The following ATP2B2 variants were observed in gnomAD, a reference collection of about 807,000 sequenced individuals.
ATP2B2 encodes the protein plasma membrane calcium-transporting ATPase 2.
A neutral mutation model predicts 120.0 loss-of-function variants in ATP2B2; 15 were observed. The observed-to-expected ratio is 0.12, with a 90% CI of 0.08 to 0.19. The LOEUF is 0.19. Among genes scored for constraint, ATP2B2 ranks in the 10% least tolerant of loss-of-function variants. ATP2B2 has a pLI of 1.00. For synonymous variants in ATP2B2, 694 were observed against 700.3 expected, an observed-to-expected ratio of 0.99 and a Z score of 0.14; for missense variants, 1,045 against 1,719.8, an observed-to-expected ratio of 0.61 and a Z score of 6.94.
chr3:10,648,907 G>A (rs777802842), intron 1 of ATP2B2, among the ~76,000 whole-genome samples: 90 of 152,126 alleles, frequency 5.9e-4, no homozygotes, highest in Middle Eastern at 3.2e-3. Flanking sequence ...GAGTCTTCTT[G>A]CATCCTCTCA....
chr3:10,503,629 A>G (rs988157675), intron 1 of ATP2B2, among the ~76,000 whole-genome samples: 12 of 152,244 alleles, frequency 7.9e-5, no homozygotes, highest in African/African-American at 2.9e-4. Context: ...GAGGTGCTGC[A>G]TCTGTGTGCC....
At chr3:10,632,310 A>G (rs1005197451) in intron 1 of ATP2B2, among the ~76,000 whole-genome samples, 3 of 152,186 alleles carry the variant, frequency 2.0e-5, no homozygotes, top group Non-Finnish European at 4.4e-5. Context: ...CGCAGTCTCC[A>G]CCACTCCCAG....
At chr3:10,577,068 A>G (rs1346749173) in intron 2 of ATP2B2, among the ~76,000 whole-genome samples, 1 of 151,302 alleles carries the variant, frequency 6.6e-6, no homozygotes, top group Non-Finnish European at 1.5e-5. Flanking sequence ...AAAAAAAAAA[A>G]AAAAAGAAGC....
chr3:10,485,520 C>T (rs2065610226), intron 1 of ATP2B2, among the ~76,000 whole-genome samples: 1 of 152,250 alleles, frequency 6.6e-6, no homozygotes, highest in Non-Finnish European at 1.5e-5. Context: ...CTCTCCTGCG[C>T]CCGCTCCCTC....
chr3:10,342,604 G>T lies in ATP2B2; in HGVS notation c.2917+148C>A. 1.1e-6 allele frequency: 1 copy of T among 912,500 alleles called. No individual in the cohort carries two copies. 56.5% of individuals were successfully genotyped at this position (912,500 alleles called of 1,614,324 possible). On this transcript the variant is annotated intron_variant, in intron 19 of 22. Transcript: ENST00000360273. The surrounding 1 kb of genome is among the most constrained non-coding windows in gnomAD (Gnocchi z 4.4). ...GTTCAAGACTTGCTGGTGTGACCTT[G>T]GGCAACTTACTTGACCTCCCTGGGC...
intron 1 of ATP2B2, chr3:10,626,234 C>T (rs1340627582): frequency 9.9e-5 from 15 of 152,170 alleles, no homozygotes; most frequent in Admixed American, 9.2e-4. Flanking sequence ...ACACACACCT[C>T]GTTATAAAAG....
intron 2 of ATP2B2, among the ~76,000 whole-genome samples, chr3:10,619,619 G>C (rs900820500): frequency 6.6e-6 from 1 of 152,226 alleles, no homozygotes; most frequent in Non-Finnish European, 1.5e-5. Flanking sequence ...CGAGGACAGG[G>C]GAGGCGGTCA....
intron 2 of ATP2B2, among the ~76,000 whole-genome samples, chr3:10,540,433 A>G (rs2125493998): frequency 6.6e-6 from 1 of 152,340 alleles, no homozygotes; most frequent in African/African-American, 2.4e-5. Flanking sequence ...TGTTTACTGC[A>G]GCAGTATTCA....
At chr3:10,394,256 A>T (rs9817205) in intron 5 of ATP2B2, among the ~76,000 whole-genome samples, 74,635 of 151,846 alleles carry the variant, frequency 0.49, 20,597 homozygotes, top group East Asian at 0.98. Flanking sequence ...ACAAAGCCAA[A>T]ACGATTCCCA....
chr3:10,417,820 A>G (rs1221025047), intron 2 of ATP2B2, among the ~76,000 whole-genome samples: 3 of 152,184 alleles, frequency 2.0e-5, no homozygotes, highest in African/African-American at 7.2e-5. Context: ...GGTGGGGAGA[A>G]GGGCTGTGAA....
At chr3:10,638,163 A>G (rs1226491656) in intron 1 of ATP2B2, among the ~76,000 whole-genome samples, 3 of 152,198 alleles carry the variant, frequency 2.0e-5, no homozygotes, top group Non-Finnish European at 4.4e-5. Flanking sequence ...ACAAAAGGAA[A>G]ATAACAGATG....
Position 10,350,431 on chromosome 3 carries a change from C to A in ATP2B2, c.2283G>T (p.Glu761Asp). 1 of 1,614,260 alleles carries A rather than the reference C, an allele frequency of 6.2e-7. No individual in the cohort carries two copies. The highest frequency in any genetic ancestry group is 8.5e-7 in the Non-Finnish European group (1 of 1,180,040). ...GEDFLCLEGKEFNRRIRNEKG... is the reference protein window; with the variant it reads ...GEDFLCLEGKDFNRRIRNEKG... ...TCTCGTTGCGGATCCTCCTGTTGAA[C>A]TCCTTGCCCTCGAGGCACAGAAAGT... is the stretch of plus-strand genomic sequence containing the variant. Residue 761 changes from glutamate to aspartate, a missense_variant, in exon 15 of 23, where the codon GAG becomes GAT. Around this residue, in one of 11 missense-constraint regions of ATP2B2, gnomAD observed 343 missense variants for 536.8 expected, o/e 0.64. Transcript: ENST00000360273.
intron 1 of ATP2B2, among the ~76,000 whole-genome samples, chr3:10,671,575 A>T (rs777606332): frequency 2.0e-5 from 3 of 152,098 alleles, no homozygotes; most frequent in African/African-American, 7.2e-5. Context: ...AATTTATGGA[A>T]AGTCCCCAGG....
intron 2 of ATP2B2, among the ~76,000 whole-genome samples, chr3:10,583,616 A>G (rs1188482397): frequency 1.3e-5 from 2 of 152,142 alleles, no homozygotes; most frequent in Middle Eastern, 3.2e-3. Flanking sequence ...TTTTAAATAT[A>G]CTTCATGAAC....
intron 22 of ATP2B2, chr3:10,336,307 C>G: frequency 1.3e-6 from 2 of 1,550,132 alleles, no homozygotes; most frequent in Non-Finnish European, 1.7e-6. Flanking sequence ...CAATCTGCAA[C>G]GGAGGAGAGA....
intron 1 of ATP2B2, among the ~76,000 whole-genome samples, chr3:10,669,704 C>T (rs79502352): frequency 1.3e-3 from 203 of 152,316 alleles, no homozygotes; most frequent in African/African-American, 4.8e-3. Flanking sequence ...GAGACCCTGG[C>T]CATGGTTTGC....
intron 1 of ATP2B2, among the ~76,000 whole-genome samples, chr3:10,676,524 C>CCACACACACACACACACA (rs150121114): frequency 6.7e-6 from 1 of 149,218 alleles, no homozygotes; most frequent in Admixed American, 6.7e-5. Flanking sequence ...AGGGACAGAA[C>CCACACACACACACACACA]CACACACACA....
intron 3 of ATP2B2, among the ~76,000 whole-genome samples, chr3:10,408,782 T>A (rs185469412): frequency 1.3e-5 from 2 of 152,244 alleles, no homozygotes; most frequent in East Asian, 3.9e-4. Context: ...ATGTTACCCC[T>A]CCACCCCCTC....
intron 1 of ATP2B2, among the ~76,000 whole-genome samples, chr3:10,490,329 T>A (rs897849869): frequency 6.6e-6 from 1 of 152,012 alleles, no homozygotes; most frequent in Non-Finnish European, 1.5e-5. Context: ...GAATAATAAC[T>A]GCTAGAGGGA....
Sources: gnomAD v4.1 joint callset for allele counts (sites outside exome capture counted in the v4.1 genomes callset) on GRCh38, gnomAD v4.1.1 for gene constraint, gnomAD v4.1.1 regional missense constraint, Gnocchi (gnomAD v3.1) non-coding constraint, MANE v1.5 for transcripts, NCBI Gene and HGNC (gene_info 2026-07-23, HGNC 2026-07-21) for gene names.